Variants in GRM1 observed in about 807,000 individuals in gnomAD.
GRM1 encodes metabotropic glutamate receptor 1.
In GRM1, 33 loss-of-function variants were observed where a neutral mutation model predicts 90.9. The ratio of observed to expected loss-of-function variants is 0.36; its 90% CI spans 0.28 to 0.49. The LOEUF is 0.49. Ranked by LOEUF, GRM1 falls within the 20% of genes least tolerant of loss-of-function variation. The pLI is 0.99. For synonymous variants in GRM1, 700 were observed against 613.2 expected, an observed-to-expected ratio of 1.14 and a Z score of -2.09; for missense variants, 1,190 against 1,534.3, an observed-to-expected ratio of 0.78 and a Z score of 3.75.
chr6:146,037,373 G>T (rs1330344758), intron 1 of GRM1, among the ~76,000 whole-genome samples: 1 of 151,848 alleles, frequency 6.6e-6, no homozygotes, highest in African/African-American at 2.4e-5. Context: ...GAAAACAAAA[G>T]CCCAGAAAAA....
chr6:146,196,463 A>ATTTTTTTT (rs772811053), intron 2 of GRM1, among the ~76,000 whole-genome samples: 8 of 85,982 alleles, frequency 9.3e-5, no homozygotes, highest in African/African-American at 1.4e-4. Context: ...AATTTTTTGT[A>ATTTTTTTT]TTTTTTTTTT....
At chr6:146,382,349 G>T (rs1250539070) in intron 5 of GRM1, among the ~76,000 whole-genome samples, 1 of 148,918 alleles carries the variant, frequency 6.7e-6, no homozygotes, top group East Asian at 2.0e-4. Flanking sequence ...CAACTTGTCT[G>T]AATGTAACAT....
intron 2 of GRM1, among the ~76,000 whole-genome samples, chr6:146,238,948 CG>C (rs1326300437): frequency 6.6e-6 from 1 of 152,088 alleles, no homozygotes; most frequent in Non-Finnish European, 1.5e-5. Flanking sequence ...GTTCAGTTCA[CG>C]TGAGTATAGG....
chr6:146,194,872 G>A (rs1465846716), intron 2 of GRM1, among the ~76,000 whole-genome samples: 2 of 152,154 alleles, frequency 1.3e-5, no homozygotes, highest in African/African-American at 4.8e-5. Context: ...TCTTAGGCCT[G>A]GTAGTCTTGG....
intron 2 of GRM1, among the ~76,000 whole-genome samples, chr6:146,172,032 T>A (rs1263357972): frequency 6.6e-6 from 1 of 151,856 alleles, no homozygotes; most frequent in African/African-American, 2.4e-5. Flanking sequence ...AGCTTGATGG[T>A]GGCAGAAGAG....
intron 2 of GRM1, among the ~76,000 whole-genome samples, chr6:146,211,727 A>G (rs1779693239): frequency 6.6e-6 from 1 of 152,254 alleles, no homozygotes; most frequent in South Asian, 2.1e-4. Flanking sequence ...AACAATAAGT[A>G]ATGAACAATG....
intron 2 of GRM1, among the ~76,000 whole-genome samples, chr6:146,276,116 A>G (rs1782352015): frequency 6.6e-6 from 1 of 152,186 alleles, no homozygotes; most frequent in Non-Finnish European, 1.5e-5. Flanking sequence ...TATTATTATT[A>G]TTTAAGTAAC....
chr6:146,067,535 A>G (rs1206767825), intron 1 of GRM1, among the ~76,000 whole-genome samples: 4 of 152,146 alleles, frequency 2.6e-5, no homozygotes, highest in African/African-American at 9.6e-5. Flanking sequence ...TATTATGCTT[A>G]TCTAAGTAGG....
chr6:146,231,115 A>C (rs1780437299), intron 2 of GRM1, among the ~76,000 whole-genome samples: 1 of 152,172 alleles, frequency 6.6e-6, no homozygotes, highest in Non-Finnish European at 1.5e-5. Context: ...ATGCCCATAC[A>C]ATGTGCAACA....
intron 6 of GRM1, among the ~76,000 whole-genome samples, chr6:146,388,144 T>G (rs1253262427): frequency 6.6e-6 from 1 of 152,072 alleles, no homozygotes; most frequent in Admixed American, 6.6e-5. Flanking sequence ...GCATAAATTT[T>G]AGGAGCCATA....
intron 2 of GRM1, among the ~76,000 whole-genome samples, chr6:146,228,326 G>A (rs145950030): frequency 2.0e-5 from 3 of 152,290 alleles, no homozygotes; most frequent in East Asian, 1.9e-4. Context: ...TTTGTACTGC[G>A]TTATCCCATG....
At chr6:146,143,435 G>A (rs898360076) in intron 1 of GRM1, among the ~76,000 whole-genome samples, 2 of 152,288 alleles carry the variant, frequency 1.3e-5, no homozygotes, top group East Asian at 1.9e-4. Flanking sequence ...GCTGGATCCT[G>A]ATGAATGTCA....
chr6:146,043,239 G>A (rs556245784), intron 1 of GRM1, among the ~76,000 whole-genome samples: 1 of 152,062 alleles, frequency 6.6e-6, no homozygotes, highest in Admixed American at 6.6e-5. Flanking sequence ...TGAGGTTGCA[G>A]TGAGCAATGA....
intron 1 of GRM1, among the ~76,000 whole-genome samples, chr6:146,092,234 C>T (rs1402347657): frequency 6.6e-6 from 1 of 152,056 alleles, no homozygotes; most frequent in Non-Finnish European, 1.5e-5. Flanking sequence ...TATACCCTTA[C>T]ATGACCAGAG....
intron 3 of GRM1, among the ~76,000 whole-genome samples, chr6:146,350,458 C>G (rs978977869): frequency 8.2e-6 from 1 of 122,164 alleles, no homozygotes; most frequent in Non-Finnish European, 1.7e-5. Flanking sequence ...TTTTGCCACT[C>G]AATTTTTGTG....
intron 3 of GRM1, among the ~76,000 whole-genome samples, chr6:146,318,406 A>G (rs1426553647): frequency 1.3e-5 from 2 of 152,168 alleles, no homozygotes; most frequent in African/African-American, 2.4e-5. Flanking sequence ...TCTATCATTG[A>G]TGGGCATTTG....
At chr6:146,179,163 A>T (rs189561959) in intron 2 of GRM1, among the ~76,000 whole-genome samples, 273 of 152,260 alleles carry the variant, frequency 1.8e-3, no homozygotes, top group African/African-American at 6.1e-3. Flanking sequence ...AAATAAATCA[A>T]CACTCTCACG....
chr6:146,344,653 T>C (rs1785106063), intron 3 of GRM1, among the ~76,000 whole-genome samples: 1 of 152,158 alleles, frequency 6.6e-6, no homozygotes, highest in Admixed American at 6.6e-5. Flanking sequence ...GGAGACACCA[T>C]ATAAAAGGCA....
At chr6:146,363,090 G>A (rs1008526163) in intron 5 of GRM1, among the ~76,000 whole-genome samples, 1 of 152,170 alleles carries the variant, frequency 6.6e-6, no homozygotes, top group East Asian at 1.9e-4. Flanking sequence ...ATAGCTACTT[G>A]AGACAAATTG....
Sources: allele counts gnomAD v4.1 joint callset (sites outside exome capture counted in the v4.1 genomes callset), GRCh38; gene constraint gnomAD v4.1.1; transcripts MANE v1.5; gene names NCBI Gene and HGNC (gene_info 2026-07-23, HGNC 2026-07-21).